Variants in GOLGA6L22 observed in about 807,000 individuals in gnomAD.
GOLGA6L22 encodes the protein golgin subfamily A member 6-like protein 22.
A neutral mutation model predicts 77.1 loss-of-function variants in GOLGA6L22; 28 were observed. That is an observed-to-expected ratio of 0.36 (90% CI 0.27 to 0.50). The LOEUF (loss-of-function observed/expected upper bound fraction) is 0.50. GOLGA6L22 is among the 20% of genes least tolerant of loss of function. GOLGA6L22 has a pLI of 0.97. For synonymous variants in GOLGA6L22, 62 were observed against 185.3 expected (o/e 0.33, Z 5.41); for missense variants, 250 against 620.4 (o/e 0.40, Z 6.34).
At position 22,463,141 on chromosome 15, in the gene GOLGA6L22, A is replaced by G. The variant is rs1414618554; in HGVS notation, c.432+673A>G. Among the ~76,000 whole-genome samples, 4 of 133,290 alleles carry G rather than the reference A, an allele frequency of 3.0e-5. 1 individual carries two copies. Among genetic ancestry groups the G allele is most frequent in the Admixed American group, 7.4e-5 (1 of 13,480 alleles). 87.4% of individuals were successfully genotyped at this position (133,290 alleles called of 152,430 possible). A position where few individuals can be genotyped will look rare whatever the true frequency, so the allele number is the denominator to read the frequency against. ...AATACCACATGTTTTTCATCTACAC[A>G]ATAGAGGTAATAATGGTAACCGTCT... On this transcript the variant is annotated intron_variant, in intron 5 of 8. Transcript: ENST00000622895.
chr15:22,465,764 C>T lies in GOLGA6L22; in HGVS notation c.1372C>T (p.Gln458Ter), dbSNP rs1324966611. The change falls in exon 8 of 9, where the codon CAG (glutamine) becomes TAG (stop). Residue 458 changes from glutamine to a stop codon, truncating the protein, a stop_gained. Transcript: ENST00000622895. LOFTEE classifies it high-confidence loss of function. ...GGAGCAGGAGGAGAAGGTGTGGAGGCAGGAGGAGAAGATACGGGAGCAGGA... is the reference window on the plus strand; with the variant it reads ...GGAGCAGGAGGAGAAGGTGTGGAGGTAGGAGGAGAAGATACGGGAGCAGGA... 1 of 1,313,768 alleles carries T rather than the reference C, an allele frequency of 7.6e-7. No individual in the cohort carries two copies. The highest frequency in any genetic ancestry group is 9.9e-7 in the Non-Finnish European group (1 of 1,006,510). 81.4% of individuals were successfully genotyped at this position (1,313,768 alleles called of 1,614,324 possible).
chr15:22,464,630 CATTT>C (rs550262370), intron 7 of GOLGA6L22, among the ~76,000 whole-genome samples: 7,229 of 109,186 alleles, frequency 0.066, 374 homozygotes, highest in African/African-American at 0.12. Context: ...TTATAGATTA[CATTT>C]ATTTATTTAT....
At chr15:22,466,393 T>C (rs1208880635) in exon 8 of GOLGA6L22, 3 of 1,205,266 alleles carry the variant, frequency 2.5e-6, no homozygotes, top group Admixed American at 3.5e-5. Flanking sequence ...AGGAGAAGAT[T>C]TGGGAGCAGG....
chr15:22,465,545 CAGG>C (rs1232414836), exon 8 of GOLGA6L22: 3 of 410,516 alleles, frequency 7.3e-6, no homozygotes, highest in Non-Finnish European at 1.2e-5. Context: ...GATTCACGAG[CAGG>C]AGAAGATACG....
intron 7 of GOLGA6L22, among the ~76,000 whole-genome samples, chr15:22,464,730 G>T (rs1205537174): frequency 7.6e-6 from 1 of 130,850 alleles, no homozygotes; most frequent in Non-Finnish European, 1.6e-5. Context: ...CTCACTGCAA[G>T]CTCCAACCCC....
chr15:22,464,740 C>T lies in GOLGA6L22; in HGVS notation c.634-286C>T, dbSNP rs533638543. 2.3e-5 allele frequency among the ~76,000 whole-genome samples: 3 copies of T among 131,086 alleles called. 1 individual carries two copies. The highest frequency in any genetic ancestry group is 2.1e-4 in the East Asian group (1 of 4,844). The allele number at this position is 131,086 out of a possible 152,430, so 86.0% of individuals were successfully genotyped here. ...CTCGGCTCACTGCAAGCTCCAACCC[C>T]GGCTTCACGCCATTCTCCTGCCTCA... On this transcript the variant is annotated intron_variant, in intron 7 of 8. Coordinates refer to ENST00000622895, the Ensembl canonical transcript of GOLGA6L22.
Position 22,462,360 on chromosome 15 carries a change from AGGAGAGGCCAGGGATCTG to A in GOLGA6L22, c.326-1_342del, listed in dbSNP as rs1250051043. On this transcript the variant is annotated splice_acceptor_variant and coding_sequence_variant, in exon 5 of 9. Coordinates refer to ENST00000622895, the Ensembl canonical transcript of GOLGA6L22. LOFTEE classifies it high-confidence loss of function. ...GCCACATCTGAATGTCTCTCATTCCAGGAGAGGCCAGGGATCTGATCAGCCGCCTGCATGATTCATGGA... is the reference window on the plus strand; with the variant it reads ...GCCACATCTGAATGTCTCTCATTCCAATCAGCCGCCTGCATGATTCATGGA... 1 of 1,202,392 alleles carries A rather than the reference AGGAGAGGCCAGGGATCTG, an allele frequency of 8.3e-7. No homozygotes were observed. Among genetic ancestry groups the A allele is most frequent in the East Asian group, 2.6e-5 (1 of 38,570 alleles). The allele number at this position is 1,202,392 out of a possible 1,614,324, so 74.5% of individuals were successfully genotyped here.
intron 7 of GOLGA6L22, among the ~76,000 whole-genome samples, chr15:22,464,799 C>G (rs890133229): frequency 2.4e-5 from 3 of 125,650 alleles, no homozygotes; most frequent in African/African-American, 7.0e-5. Flanking sequence ...AGGTGCCCAC[C>G]ACCACACCCA....
At chr15:22,464,635 A>C (rs1887621939) in intron 7 of GOLGA6L22, among the ~76,000 whole-genome samples, 1 of 83,054 alleles carries the variant, frequency 1.2e-5, no homozygotes, top group Non-Finnish European at 2.2e-5. Context: ...GATTACATTT[A>C]TTTATTTATT....
At chr15:22,466,652 CAGG>C (rs1887736011) in exon 8 of GOLGA6L22, 1 of 589,632 alleles carries the variant, frequency 1.7e-6, no homozygotes, top group Non-Finnish European at 2.9e-6. Flanking sequence ...GATACGAGAG[CAGG>C]AGGAGATGAT....
At position 22,465,914 on chromosome 15, in the gene GOLGA6L22, A is replaced by T. The variant is rs370768500; in HGVS notation, c.1522A>T (p.Ile508Leu). The T allele has an allele frequency of 1.9e-6, 2 of 1,053,294 alleles. 1 individual carries two copies. Among genetic ancestry groups the T allele is most frequent in the African/African-American group, 7.5e-5 (2 of 26,620 alleles). The allele number at this position is 1,053,294 out of a possible 1,614,324, so 65.2% of individuals were successfully genotyped here. Residue 508 changes from isoleucine (I) to leucine (L), a missense_variant, in exon 8 of 9, where the codon ATA (isoleucine) becomes TTA (leucine). Coordinates refer to ENST00000622895, the Ensembl canonical transcript of GOLGA6L22. Reference sequence around the variant, plus strand: ...AGAGAAGATGCATGAGCAGGAGAAGATATGGGAGGAGGAGAAGAGGCAGGA... The same window carrying T: ...AGAGAAGATGCATGAGCAGGAGAAGTTATGGGAGGAGGAGAAGAGGCAGGA...
At position 22,466,431 on chromosome 15, in the gene GOLGA6L22, A is replaced by C. The variant is rs1218683564; in HGVS notation, c.2039A>C (p.Lys680Thr). 3 of 1,256,184 alleles carry C rather than the reference A, an allele frequency of 2.4e-6. 1 individual carries two copies. The highest frequency in any genetic ancestry group is 6.2e-4 in the Middle Eastern group (2 of 3,252). 77.8% of individuals were successfully genotyped at this position (1,256,184 alleles called of 1,614,324 possible). Residue 680 changes from lysine to threonine, a missense_variant, in exon 8 of 9, where the codon AAG (lysine) becomes ACG (threonine). Physicochemically the swap from Lys to Thr is moderately conservative, Grantham distance 78. Transcript: ENST00000622895. ...GAGAAGATGCAAGAACAGGAGGAGA[A>C]GATGCGGAGGCAGGAGGAGAAGATA...
chr15:22,466,092 AG>A lies in GOLGA6L22; in HGVS notation c.1702del (p.Glu568ArgfsTer23). 1.0e-6 allele frequency: 1 copy of A among 956,770 alleles called. No individual in the cohort carries two copies. The highest frequency in any genetic ancestry group is 3.1e-5 in the East Asian group (1 of 32,588). 59.3% of individuals were successfully genotyped at this position (956,770 alleles called of 1,614,324 possible). On this transcript the variant is annotated frameshift_variant, in exon 8 of 9. Coordinates refer to ENST00000622895, the Ensembl canonical transcript of GOLGA6L22. LOFTEE classifies it high-confidence loss of function. ...CAGGAGGAGAAGATAAGGGAGCAGG[AG>A]GAGAAGATACGGGAGCAGGAGGAGA...
chr15:22,461,829 G>GT (rs1887537442), intron 2 of GOLGA6L22, among the ~76,000 whole-genome samples: 1 of 120,920 alleles, frequency 8.3e-6, no homozygotes, highest in African/African-American at 4.7e-5. Flanking sequence ...GCACTCAGAT[G>GT]TAGAGGCCCC....
At chr15:22,459,645 C>T (rs1454648821) in intron 1 of GOLGA6L22, among the ~76,000 whole-genome samples, 3 of 113,658 alleles carry the variant, frequency 2.6e-5, no homozygotes, top group South Asian at 5.8e-4. Flanking sequence ...AATTTTGTGA[C>T]CCCCTCCCCA....
At chr15:22,464,786 T>C (rs1887625344) in intron 7 of GOLGA6L22, among the ~76,000 whole-genome samples, 1 of 127,324 alleles carries the variant, frequency 7.9e-6, no homozygotes, top group Admixed American at 8.1e-5. Flanking sequence ...TAGCTGGGAC[T>C]ACAGGTGCCC....
chr15:22,463,376 G>A (rs1014405937), intron 5 of GOLGA6L22, among the ~76,000 whole-genome samples: 3 of 141,882 alleles, frequency 2.1e-5, no homozygotes, highest in Admixed American at 1.4e-4. Context: ...TGAGGGCCAG[G>A]TGCTCTCGCT....
At chr15:22,464,755 C>T (rs2140804053) in intron 7 of GOLGA6L22, among the ~76,000 whole-genome samples, 1 of 130,326 alleles carries the variant, frequency 7.7e-6, no homozygotes, top group East Asian at 2.1e-4. Context: ...TCACGCCATT[C>T]TCCTGCCTCA....
At chr15:22,463,360 A>C (rs1025016709) in intron 5 of GOLGA6L22, among the ~76,000 whole-genome samples, 7 of 144,230 alleles carry the variant, frequency 4.9e-5, no homozygotes, top group Admixed American at 1.4e-4. Flanking sequence ...TTCTTTGAAA[A>C]ACAAATGAGG....
Sources: gnomAD v4.1 joint callset for allele counts (sites outside exome capture counted in the v4.1 genomes callset) on GRCh38, gnomAD v4.1.1 for gene constraint, MANE v1.5 for transcripts, NCBI Gene and HGNC (gene_info 2026-07-23, HGNC 2026-07-21) for gene names.